PCDH15: variants seen among roughly 807,000 people sequenced by gnomAD.
PCDH15 encodes the protein protocadherin related 15.
PCDH15 carries 129 observed loss-of-function variants against 178.5 expected under a neutral mutation model. The ratio of observed to expected loss-of-function variants is 0.72; its 90% CI spans 0.63 to 0.84. The LOEUF (loss-of-function observed/expected upper bound fraction) is 0.84, where lower values mean the gene tolerates loss of function less well. Among genes scored for constraint, PCDH15 ranks in the 40% least tolerant of loss-of-function variants. PCDH15 has a pLI of 0.00. For missense variants in PCDH15, 2,230 were observed against 2,099.9 expected (o/e 1.06, Z -1.21); for synonymous variants, 800 against 732.0 (o/e 1.09, Z -1.50).
chr10:54,621,128 G>C (rs1317550087), intron 2 of PCDH15, among the ~76,000 whole-genome samples: 1 of 151,928 alleles, frequency 6.6e-6, no homozygotes, highest in Non-Finnish European at 1.5e-5. Context: ...TGGACATAAA[G>C]CTGATTCATT....
At chr10:54,668,016 C>T (rs1268120934) in intron 1 of PCDH15, among the ~76,000 whole-genome samples, 1 of 151,962 alleles carries the variant, frequency 6.6e-6, no homozygotes, top group Non-Finnish European at 1.5e-5. Flanking sequence ...GAATATTTTA[C>T]TGCAATTATT....
chr10:55,412,598 T>C (rs961483559), intron 2 of PCDH15, among the ~76,000 whole-genome samples: 1 of 151,808 alleles, frequency 6.6e-6, no homozygotes, highest in African/African-American at 2.4e-5. Flanking sequence ...ATATAAAGAA[T>C]GGCTAAAGTA....
At chr10:54,518,009 A>C (rs1160812040) in intron 3 of PCDH15, among the ~76,000 whole-genome samples, 1 of 152,146 alleles carries the variant, frequency 6.6e-6, no homozygotes, top group Non-Finnish European at 1.5e-5. Flanking sequence ...TTCTTTCAAA[A>C]CAACGAGAAC....
chr10:54,470,882 G>A (rs1451485487), intron 3 of PCDH15, among the ~76,000 whole-genome samples: 2 of 151,958 alleles, frequency 1.3e-5, no homozygotes, highest in African/African-American at 4.8e-5. Flanking sequence ...GGTGAGTACC[G>A]GATGCTTTCC....
chr10:54,071,285 T>C (rs570681916), intron 17 of PCDH15, among the ~76,000 whole-genome samples: 6 of 152,292 alleles, frequency 3.9e-5, no homozygotes, highest in Non-Finnish European at 8.8e-5. Context: ...TTTAGCTATG[T>C]AAGAAAACCA....
At chr10:54,379,455 G>C (rs1395186834) in intron 3 of PCDH15, among the ~76,000 whole-genome samples, 1 of 152,026 alleles carries the variant, frequency 6.6e-6, no homozygotes, top group African/African-American at 2.4e-5. Flanking sequence ...CATACATCTT[G>C]ACATGAAAGA....
intron 1 of PCDH15, among the ~76,000 whole-genome samples, chr10:55,262,118 A>T (rs1243080067): frequency 9.0e-6 from 1 of 110,612 alleles, no homozygotes; most frequent in Non-Finnish European, 1.9e-5. Context: ...AGAAATAAAA[A>T]AGAAAAGAAA....
chr10:55,517,689 A>T (rs1841052738), intron 2 of PCDH15, among the ~76,000 whole-genome samples: 1 of 152,134 alleles, frequency 6.6e-6, no homozygotes, highest in East Asian at 1.9e-4. Flanking sequence ...TTCATGCTAA[A>T]ACCTGTATAT....
At chr10:55,159,776 A>G (rs913562306) in intron 2 of PCDH15, among the ~76,000 whole-genome samples, 34 of 148,094 alleles carry the variant, frequency 2.3e-4, no homozygotes, top group African/African-American at 7.8e-4. Context: ...GTGTAAGTAC[A>G]TATTAAGAGA....
intron 2 of PCDH15, among the ~76,000 whole-genome samples, chr10:55,354,095 G>T (rs893956123): frequency 1.3e-5 from 2 of 151,900 alleles, no homozygotes; most frequent in Non-Finnish European, 2.9e-5. Flanking sequence ...AATAGAGTTG[G>T]AGCCACATAG....
chr10:55,333,055 T>C (rs35698740), intron 2 of PCDH15, among the ~76,000 whole-genome samples: 28,999 of 152,100 alleles, frequency 0.19, 2,963 homozygotes, highest in African/African-American at 0.26. Context: ...CACATGAAAG[T>C]CACTACTTTT....
intron 5 of PCDH15, among the ~76,000 whole-genome samples, chr10:54,362,791 A>G (rs1946246862): frequency 6.6e-6 from 1 of 152,160 alleles, no homozygotes; most frequent in East Asian, 1.9e-4. Flanking sequence ...CATGACAGTC[A>G]TATAATGAAT....
chr10:54,969,678 C>T (rs778863561), intron 2 of PCDH15, among the ~76,000 whole-genome samples: 60 of 152,152 alleles, frequency 3.9e-4, no homozygotes, highest in Admixed American at 1.3e-4. Flanking sequence ...TCAGAGATAC[C>T]TTCATGCTTC....
chr10:54,613,883 A>T (rs2093046335), intron 2 of PCDH15, among the ~76,000 whole-genome samples: 1 of 151,802 alleles, frequency 6.6e-6, no homozygotes, highest in Non-Finnish European at 1.5e-5. Flanking sequence ...ATGAGTTTTC[A>T]TGAGTATTTT....
At chr10:54,572,669 G>A (rs2089985618) in intron 2 of PCDH15, among the ~76,000 whole-genome samples, 1 of 152,002 alleles carries the variant, frequency 6.6e-6, no homozygotes, top group South Asian at 2.1e-4. Context: ...ATTTCCAAAT[G>A]GAATCCATTA....
chr10:54,469,764 G>A lies in PCDH15; in HGVS notation c.157+58048C>T, dbSNP rs150985808. Among the ~76,000 whole-genome samples, 457 of 152,218 alleles carry A rather than the reference G, an allele frequency of 3.0e-3. 2 individuals carry two copies. Among genetic ancestry groups the A allele is most frequent in the Middle Eastern group, 0.01 (3 of 294 alleles). ...GGTGAGTGGGTCCTCTGGCTCCAAG[G>A]CAGTGGGTTTGGTGGTAATAGTAGT... is the stretch of plus-strand genomic sequence containing the variant. On this transcript the variant is annotated intron_variant, in intron 3 of 37. Coordinates refer to ENST00000644397, the MANE Select transcript of PCDH15 (RefSeq NM_001384140.1).
chr10:54,233,713 G>A (rs2054315692), intron 9 of PCDH15, among the ~76,000 whole-genome samples: 1 of 152,238 alleles, frequency 6.6e-6, no homozygotes, highest in Non-Finnish European at 1.5e-5. Context: ...GTTAGTCAGA[G>A]ATGAGAGCTT....
intron 2 of PCDH15, among the ~76,000 whole-genome samples, chr10:54,649,399 A>C (rs1361026385): frequency 6.6e-6 from 1 of 152,088 alleles, no homozygotes; most frequent in East Asian, 1.9e-4. Flanking sequence ...TCCTGGGGAG[A>C]TATCATCAGA....
chr10:55,537,603 T>G (rs1484613227), intron 2 of PCDH15, among the ~76,000 whole-genome samples: 1 of 151,964 alleles, frequency 6.6e-6, no homozygotes, highest in Non-Finnish European at 1.5e-5. Context: ...ACCTGGCTAA[T>G]TTTTGTATTT....
Sources: allele counts gnomAD v4.1 joint callset (sites outside exome capture counted in the v4.1 genomes callset), GRCh38; gene constraint gnomAD v4.1.1; transcripts MANE v1.5; gene names NCBI Gene and HGNC (gene_info 2026-07-23, HGNC 2026-07-21).